Variants in SLC39A11 observed in about 807,000 individuals in gnomAD.
The protein encoded by SLC39A11 is solute carrier family 39 member 11, also known as zinc transporter ZIP11.
SLC39A11 carries 33 observed loss-of-function variants against 36.1 expected under a neutral mutation model. The observed-to-expected ratio is 0.91, with a 90% CI of 0.69 to 1.22. SLC39A11 has a LOEUF of 1.22. Ranked by LOEUF, SLC39A11 falls within the 50% of genes most tolerant of loss-of-function variation. The pLI is 0.00. For synonymous variants in SLC39A11, 166 were observed against 170.3 expected, an observed-to-expected ratio of 0.97 and a Z score of 0.20; for missense variants, 432 against 430.3, an observed-to-expected ratio of 1.00 and a Z score of -0.03.
intron 5 of SLC39A11, among the ~76,000 whole-genome samples, chr17:72,943,205 G>A (rs1345901361): frequency 6.6e-6 from 1 of 152,148 alleles, no homozygotes; most frequent in Non-Finnish European, 1.5e-5. Context: ...ATCCGGGGTT[G>A]GGCACTTGAG....
intron 6 of SLC39A11, chr17:72,838,063 C>T (rs967871933): frequency 2.8e-6 from 3 of 1,083,200 alleles, no homozygotes; most frequent in East Asian, 6.5e-5. Context: ...GCAGGAGGTT[C>T]TCTTGAGGCC....
At chr17:73,063,823 C>T (rs1486228783) in intron 3 of SLC39A11, among the ~76,000 whole-genome samples, 1 of 152,180 alleles carries the variant, frequency 6.6e-6, no homozygotes, top group African/African-American at 2.4e-5. Context: ...CAGAAATCTT[C>T]ATGCATAATT....
chr17:72,722,356 T>A (rs1399395863), intron 7 of SLC39A11, among the ~76,000 whole-genome samples: 1 of 152,220 alleles, frequency 6.6e-6, no homozygotes, highest in African/African-American at 2.4e-5. Flanking sequence ...TTTCAACAGA[T>A]GAAAACAGTA....
chr17:72,831,286 G>A (rs893700163), intron 6 of SLC39A11, among the ~76,000 whole-genome samples: 4 of 152,326 alleles, frequency 2.6e-5, no homozygotes, highest in African/African-American at 7.2e-5. Context: ...GAGCTGATGA[G>A]TACAAGGCTC....
intron 3 of SLC39A11, among the ~76,000 whole-genome samples, chr17:73,061,386 T>C (rs1383053062): frequency 6.6e-6 from 1 of 152,104 alleles, no homozygotes; most frequent in Non-Finnish European, 1.5e-5. Flanking sequence ...TCAGAACTCG[T>C]ATGAAGAAAC....
intron 3 of SLC39A11, among the ~76,000 whole-genome samples, chr17:73,057,137 A>G (rs1354852402): frequency 6.6e-6 from 1 of 152,018 alleles, no homozygotes; most frequent in Non-Finnish European, 1.5e-5. Context: ...GGAGATGTAT[A>G]TACATGTATA....
rs954102308 is a variant in SLC39A11 at position 73,072,501 on chromosome 17, T to C, written c.147+12307A>G. 2.0e-5 allele frequency: 3 copies of C among 152,088 alleles called. No homozygotes were observed. In the East Asian group the frequency reaches 5.8e-4, roughly 29 times the overall value. 9.4% of individuals were successfully genotyped at this position (152,088 alleles called of 1,614,324 possible). ...CACGGCACAGAGAAGGTGATGTGTA[T>C]CACTTCCTCCCCCACACTGTGGATA... On this transcript the variant is annotated intron_variant, in intron 3 of 9. Coordinates refer to ENST00000255559, the MANE Select transcript of SLC39A11 (RefSeq NM_139177.4).
chr17:73,004,114 GAGAGAA>G (rs1375134832), intron 4 of SLC39A11, among the ~76,000 whole-genome samples: 2 of 146,176 alleles, frequency 1.4e-5, no homozygotes, highest in African/African-American at 2.6e-5. Context: ...AAGAGAGAGA[GAGAGAA>G]AGAAAGAAAG....
intron 4 of SLC39A11, among the ~76,000 whole-genome samples, chr17:72,972,388 T>C (rs2087522108): frequency 6.6e-6 from 1 of 152,146 alleles, no homozygotes. Flanking sequence ...GGTCTCCCGA[T>C]CCAATCGTAA....
intron 3 of SLC39A11, among the ~76,000 whole-genome samples, chr17:73,062,084 C>T (rs1024271833): frequency 6.6e-6 from 1 of 151,984 alleles, no homozygotes; most frequent in Non-Finnish European, 1.5e-5. Context: ...AATGGTGTGG[C>T]GACTGTTCTA....
chr17:72,822,253 TATATAG>T (rs987799801), intron 6 of SLC39A11, among the ~76,000 whole-genome samples: 2 of 147,912 alleles, frequency 1.4e-5, no homozygotes, highest in African/African-American at 4.9e-5. Flanking sequence ...ATACTATATA[TATATAG>T]AGAGAGAGAA....
chr17:73,087,731 T>C (rs369756711), intron 2 of SLC39A11, among the ~76,000 whole-genome samples: 1 of 151,798 alleles, frequency 6.6e-6, no homozygotes, highest in Non-Finnish European at 1.5e-5. Flanking sequence ...TGTGGGGCCA[T>C]GACAGTGAGT....
chr17:72,979,231 C>T (rs118034768), intron 4 of SLC39A11, among the ~76,000 whole-genome samples: 2,008 of 152,306 alleles, frequency 0.013, 18 homozygotes, highest in Middle Eastern at 0.031. Flanking sequence ...TTTTCCCCTT[C>T]ACCTTCCGCC....
At chr17:73,059,819 T>G (rs1273861531) in intron 3 of SLC39A11, among the ~76,000 whole-genome samples, 1 of 151,696 alleles carries the variant, frequency 6.6e-6, no homozygotes, top group East Asian at 1.9e-4. Flanking sequence ...TGCCCCAAAA[T>G]GAGAAAGAGG....
chr17:72,647,777 A>G, intron 9 of SLC39A11, 115 bp from the exon 10 acceptor site: 1 of 771,566 alleles, frequency 1.3e-6, no homozygotes, highest in Non-Finnish European at 2.2e-6. Flanking sequence ...TACCATTAAT[A>G]ATGGTAACAT....
chr17:72,960,609 C>T (rs1445198632), intron 4 of SLC39A11, among the ~76,000 whole-genome samples: 1 of 151,758 alleles, frequency 6.6e-6, no homozygotes, highest in Non-Finnish European at 1.5e-5. Flanking sequence ...CTGAACATGG[C>T]GAGACCCCAT....
chr17:73,084,985 A>G, intron 2 of SLC39A11, 139 bp from the exon 3 acceptor site: 1 of 839,004 alleles, frequency 1.2e-6, no homozygotes, highest in African/African-American at 1.7e-5. Flanking sequence ...TACTCAGTTT[A>G]TACCATGGGC....
chr17:72,807,222 TTC>T (rs1172919922), intron 6 of SLC39A11, among the ~76,000 whole-genome samples: 1 of 152,232 alleles, frequency 6.6e-6, no homozygotes, highest in East Asian at 1.9e-4. Flanking sequence ...TCTGCATTGT[TTC>T]TGTTATCTCC....
chr17:72,700,219 T>G (rs7359585), intron 7 of SLC39A11, among the ~76,000 whole-genome samples: 46,932 of 152,126 alleles, frequency 0.31, 8,281 homozygotes, highest in African/African-American at 0.47. Context: ...CTTGTTCTAC[T>G]GCATTCTACC....
Sources: gnomAD v4.1 joint callset for allele counts (sites outside exome capture counted in the v4.1 genomes callset) on GRCh38, gnomAD v4.1.1 for gene constraint, MANE v1.5 for transcripts, NCBI Gene and HGNC (gene_info 2026-07-23, HGNC 2026-07-21) for gene names.